Variants in DLG2 observed in about 807,000 individuals in gnomAD.
The protein encoded by DLG2 is disks large homolog 2.
A neutral mutation model predicts 132.5 loss-of-function variants in DLG2; 45 were observed. The observed-to-expected ratio is 0.34, with a 90% CI of 0.27 to 0.44. DLG2 has a LOEUF of 0.44. Among genes scored for constraint, DLG2 ranks in the 20% least tolerant of loss-of-function variants. DLG2 has a pLI of 1.00. For synonymous variants in DLG2, 424 were observed against 419.6 expected (o/e 1.01, Z -0.13); for missense variants, 1,045 against 1,196.9 (o/e 0.87, Z 1.87).
intron 5 of DLG2, among the ~76,000 whole-genome samples, chr11:85,119,390 T>C (rs1207588565): frequency 6.6e-6 from 1 of 152,060 alleles, no homozygotes; most frequent in African/African-American, 2.4e-5. Context: ...GTTATTACTA[T>C]GCATAGTTGA....
At chr11:85,590,462 G>A (rs1219623224) in intron 3 of DLG2, among the ~76,000 whole-genome samples, 1 of 152,030 alleles carries the variant, frequency 6.6e-6, no homozygotes, top group Non-Finnish European at 1.5e-5. Flanking sequence ...TCCTTGGGAT[G>A]GATGTTTATA....
chr11:84,379,251 ATATAC>A (rs2154433369), intron 7 of DLG2, among the ~76,000 whole-genome samples: 2 of 152,296 alleles, frequency 1.3e-5, no homozygotes, highest in Non-Finnish European at 2.9e-5. Context: ...AGGATAAATA[ATATAC>A]AATATGTTCT....
At chr11:84,411,089 A>G (rs1163472179) in intron 7 of DLG2, among the ~76,000 whole-genome samples, 1 of 152,216 alleles carries the variant, frequency 6.6e-6, no homozygotes, top group African/African-American at 2.4e-5. Context: ...AAGGCAGAAC[A>G]CAGCTTTTCA....
At chr11:84,150,182 A>G (rs1344140684) in intron 9 of DLG2, among the ~76,000 whole-genome samples, 1 of 152,186 alleles carries the variant, frequency 6.6e-6, no homozygotes, top group African/African-American at 2.4e-5. Flanking sequence ...TGATTCTTCC[A>G]ATCCATGAGG....
intron 6 of DLG2, among the ~76,000 whole-genome samples, chr11:84,878,092 G>A (rs894382355): frequency 5.3e-5 from 8 of 152,146 alleles, no homozygotes; most frequent in Admixed American, 5.2e-4. Flanking sequence ...GAAGAAATAG[G>A]AATGTTTTTA....
intron 5 of DLG2, among the ~76,000 whole-genome samples, chr11:85,151,357 CTT>C (rs1163312638): frequency 6.9e-6 from 1 of 145,526 alleles, no homozygotes; most frequent in African/African-American, 2.5e-5. Flanking sequence ...GTACAGAAGT[CTT>C]TAAGTTTGAT....
At chr11:84,923,422 A>T (rs1238679672) in intron 6 of DLG2, 5 of 274,370 alleles carry the variant, frequency 1.8e-5, no homozygotes, top group Non-Finnish European at 2.6e-5. Context: ...TCACTGGATT[A>T]AAAAAAAAAA....
At chr11:84,615,867 T>A (rs1341779153) in intron 6 of DLG2, among the ~76,000 whole-genome samples, 2 of 140,068 alleles carry the variant, frequency 1.4e-5, no homozygotes, top group African/African-American at 5.5e-5. Context: ...CATGTAATAT[T>A]TCCATTCAGT....
Position 85,285,336 on chromosome 11 carries a change from G to T in DLG2, c.70C>A (p.Leu24Ile), listed in dbSNP as rs2078488107. 6.2e-7 allele frequency: 1 copy of T among 1,611,092 alleles called. No homozygotes were observed. The change falls in exon 4 of 28, where the codon CTA (leucine) becomes ATA (isoleucine). Residue 24 changes from leucine to isoleucine, a missense_variant. Physicochemically the swap from Leu to Ile is conservative, Grantham distance 5 (BLOSUM62 2). Transcript: ENST00000376104. ...TGCTCACAACTTTTTTGAGAATTTA[G>T]CAATGTCACCTCATAAAATTCTTGG... Reference protein sequence around the residue: ...DIQEFYEVTLLNSQKSCEQKI... With the variant: ...DIQEFYEVTLINSQKSCEQKI...
At chr11:85,528,600 G>A (rs1179950303) in intron 3 of DLG2, among the ~76,000 whole-genome samples, 1 of 152,162 alleles carries the variant, frequency 6.6e-6, no homozygotes, top group African/African-American at 2.4e-5. Context: ...TTGAATTTAT[G>A]CATAACCTAC....
chr11:84,577,295 T>C (rs577848024), intron 6 of DLG2, among the ~76,000 whole-genome samples: 85 of 152,232 alleles, frequency 5.6e-4, no homozygotes, highest in African/African-American at 2.0e-3. Context: ...TACCCAAAAA[T>C]GTGTAAGCCA....
At chr11:83,522,813 C>A (rs565921023) in intron 21 of DLG2, among the ~76,000 whole-genome samples, 3 of 143,490 alleles carry the variant, frequency 2.1e-5, no homozygotes, top group Admixed American at 7.0e-5. Flanking sequence ...AGCCCCCCCC[C>A]CCTTTTTTTT....
At chr11:83,915,300 A>G (rs1377192153) in intron 15 of DLG2, among the ~76,000 whole-genome samples, 2 of 151,722 alleles carry the variant, frequency 1.3e-5, no homozygotes, top group Non-Finnish European at 2.9e-5. Context: ...AGTGTAGACA[A>G]CTCTTCTGGC....
At chr11:84,397,472 A>G (rs1410706360) in intron 7 of DLG2, among the ~76,000 whole-genome samples, 4 of 152,212 alleles carry the variant, frequency 2.6e-5, no homozygotes, top group African/African-American at 4.8e-5. Flanking sequence ...GTTCCGGCCA[A>G]TGGAATGCCA....
intron 7 of DLG2, among the ~76,000 whole-genome samples, chr11:84,285,143 G>A (rs1403000401): frequency 6.6e-6 from 1 of 152,048 alleles, no homozygotes; most frequent in Admixed American, 6.6e-5. Context: ...GTTGCTTGCT[G>A]GTCATCTCTG....
At chr11:85,628,217 G>C (rs967995371), upstream of DLG2, among the ~76,000 whole-genome samples, 7 of 152,184 alleles carry the variant, frequency 4.6e-5, no homozygotes, top group African/African-American at 1.7e-4. Context: ...AAAGGGGCGA[G>C]TTCCCTCAAG....
intron 15 of DLG2, among the ~76,000 whole-genome samples, chr11:83,882,696 C>T (rs2066619508): frequency 6.6e-6 from 1 of 152,106 alleles, no homozygotes; most frequent in Non-Finnish European, 1.5e-5. Context: ...GACATGCAGG[C>T]AGTTTTTTAA....
intron 15 of DLG2, among the ~76,000 whole-genome samples, chr11:83,923,081 G>T (rs991971056): frequency 6.6e-5 from 10 of 152,068 alleles, no homozygotes; most frequent in Admixed American, 5.3e-4. Flanking sequence ...AAGAAGGATG[G>T]CTGCTAAGAA....
intron 4 of DLG2, among the ~76,000 whole-genome samples, chr11:85,187,262 G>A (rs527258026): frequency 3.3e-5 from 5 of 152,052 alleles, no homozygotes; most frequent in Middle Eastern, 3.4e-3. Flanking sequence ...AAAAACATCA[G>A]GGAATGAGAA....
Sources: allele counts gnomAD v4.1 joint callset (sites outside exome capture counted in the v4.1 genomes callset), GRCh38; gene constraint gnomAD v4.1.1; transcripts MANE v1.5; gene names NCBI Gene and HGNC (gene_info 2026-07-23, HGNC 2026-07-21).